Variants in ROBO1 observed in about 807,000 individuals in gnomAD.
ROBO1 encodes the protein roundabout guidance receptor 1, also known as roundabout homolog 1.
In ROBO1, 149 loss-of-function variants were observed where a neutral mutation model predicts 195.9. That is an observed-to-expected ratio of 0.76 (90% CI 0.67 to 0.87). ROBO1 has a LOEUF of 0.87. ROBO1 is among the 40% of genes least tolerant of loss of function. The pLI, the probability that ROBO1 is intolerant of heterozygous loss-of-function variation, is 0.00. For missense variants in ROBO1, 1,933 were observed against 2,068.3 expected (o/e 0.93, Z 1.27); for synonymous variants, 816 against 733.2 (o/e 1.11, Z -1.82).
At chr3:79,026,253 T>C (rs1372161694) in intron 3 of ROBO1, among the ~76,000 whole-genome samples, 1 of 152,074 alleles carries the variant, frequency 6.6e-6, no homozygotes, top group African/African-American at 2.4e-5. Flanking sequence ...GAAAAAATAT[T>C]ATTCGGTCAA....
At chr3:79,386,280 A>G (rs952248530) in intron 2 of ROBO1, among the ~76,000 whole-genome samples, 3 of 152,184 alleles carry the variant, frequency 2.0e-5, no homozygotes, top group African/African-American at 7.2e-5. Flanking sequence ...ATCTATTTAT[A>G]TAAGTAATTT....
intron 2 of ROBO1, among the ~76,000 whole-genome samples, chr3:79,548,320 G>A (rs12714477): frequency 0.24 from 36,327 of 152,160 alleles, 4,913 homozygotes; most frequent in African/African-American, 0.36. Context: ...CAAATGCTAT[G>A]TTGAGTAACT....
intron 1 of ROBO1, among the ~76,000 whole-genome samples, chr3:79,641,286 T>G (rs1015886817): frequency 2.0e-5 from 3 of 152,190 alleles, no homozygotes; most frequent in Non-Finnish European, 4.4e-5. Context: ...AGATATGGCT[T>G]AAATGATATC....
intron 2 of ROBO1, among the ~76,000 whole-genome samples, chr3:79,513,686 TA>T (rs1477728522): frequency 7.3e-6 from 1 of 137,240 alleles, no homozygotes; most frequent in Non-Finnish European, 1.5e-5. Flanking sequence ...GAAAAGTTAA[TA>T]AAAATAACCT....
At chr3:79,693,569 C>A (rs1312968559) in intron 1 of ROBO1, among the ~76,000 whole-genome samples, 1 of 151,578 alleles carries the variant, frequency 6.6e-6, no homozygotes, top group African/African-American at 2.4e-5. Context: ...GTAGGTAGGG[C>A]TACAGTTGTA....
intron 1 of ROBO1, among the ~76,000 whole-genome samples, chr3:79,596,887 GA>G (rs1247320845): frequency 6.6e-6 from 1 of 151,948 alleles, no homozygotes; most frequent in Non-Finnish European, 1.5e-5. Context: ...CCAGATAAAG[GA>G]AACCATGTAG....
chr3:78,639,625 G>A, intron 22 of ROBO1, 119 bp downstream of exon 22: 1 of 956,414 alleles, frequency 1.0e-6, no homozygotes, highest in East Asian at 2.6e-5. Flanking sequence ...ACAATAGTCA[G>A]CATTGGATAA....
chr3:78,903,098 T>C (rs2037683791), intron 4 of ROBO1, among the ~76,000 whole-genome samples: 2 of 152,106 alleles, frequency 1.3e-5, no homozygotes, highest in Admixed American at 6.6e-5. Context: ...AGAAACACAA[T>C]TCTCTTCAAA....
intron 10 of ROBO1, among the ~76,000 whole-genome samples, chr3:78,678,045 G>C (rs1199512222): frequency 1.3e-5 from 2 of 152,120 alleles, no homozygotes; most frequent in Non-Finnish European, 2.9e-5. Context: ...CAACTACATG[G>C]AAACTGAACA....
At chr3:79,696,510 G>A (rs921494699) in intron 1 of ROBO1, among the ~76,000 whole-genome samples, 56 of 150,094 alleles carry the variant, frequency 3.7e-4, no homozygotes, top group African/African-American at 1.3e-3. Flanking sequence ...ATGAGGTATA[G>A]AAGGAAAAAA....
intron 3 of ROBO1, among the ~76,000 whole-genome samples, chr3:78,995,753 G>A (rs1424887755): frequency 3.4e-5 from 5 of 147,156 alleles, no homozygotes; most frequent in Admixed American, 1.4e-4. Context: ...GCAACAGAGC[G>A]AGACTCTGTC....
chr3:78,975,083 T>C (rs1306415253), intron 3 of ROBO1, among the ~76,000 whole-genome samples: 2 of 152,140 alleles, frequency 1.3e-5, no homozygotes, highest in East Asian at 3.9e-4. Context: ...TAAATTAGAA[T>C]TTTTATTAAA....
At chr3:78,646,535 T>C (rs1163506770) in intron 20 of ROBO1, among the ~76,000 whole-genome samples, 1 of 151,372 alleles carries the variant, frequency 6.6e-6, no homozygotes, top group East Asian at 1.9e-4. Context: ...AGCATTCCGA[T>C]GGATTTCCAT....
chr3:78,870,581 T>C (rs769240817), intron 4 of ROBO1, among the ~76,000 whole-genome samples: 5 of 152,166 alleles, frequency 3.3e-5, no homozygotes, highest in African/African-American at 4.8e-5. Context: ...AATAAAAGGC[T>C]TTCCCTTGCA....
chr3:78,838,705 G>A (rs373493070), intron 4 of ROBO1, among the ~76,000 whole-genome samples: 4 of 152,088 alleles, frequency 2.6e-5, no homozygotes, highest in Admixed American at 1.3e-4. Context: ...AAGCACCCCC[G>A]CCCTACCTCC....
intron 3 of ROBO1, among the ~76,000 whole-genome samples, chr3:79,067,921 C>T (rs1476081305): frequency 2.0e-5 from 3 of 151,872 alleles, no homozygotes; most frequent in African/African-American, 7.2e-5. Context: ...TGCTGGCAGG[C>T]CTTGATTCCT....
At chr3:79,631,807 G>C (rs1209094344) in intron 1 of ROBO1, among the ~76,000 whole-genome samples, 1 of 152,000 alleles carries the variant, frequency 6.6e-6, no homozygotes, top group African/African-American at 2.4e-5. Flanking sequence ...CCATTAAAAA[G>C]TGGGCAAAGT....
intron 3 of ROBO1, among the ~76,000 whole-genome samples, chr3:79,021,651 ATTTTTTTTTT>A (rs71127372): frequency 1.3e-5 from 1 of 76,906 alleles, no homozygotes; most frequent in African/African-American, 5.5e-5. Context: ...CCTAGAGATG[ATTTTTTTTTT>A]TTTTTTTTTT....
chr3:79,250,727 T>C (rs2082713000), intron 2 of ROBO1, among the ~76,000 whole-genome samples: 1 of 152,156 alleles, frequency 6.6e-6, no homozygotes, highest in Non-Finnish European at 1.5e-5. Flanking sequence ...ATAATTTTAA[T>C]ATATAAACCC....
Sources: gnomAD v4.1 joint callset for allele counts (sites outside exome capture counted in the v4.1 genomes callset) on GRCh38, gnomAD v4.1.1 for gene constraint, MANE v1.5 for transcripts, NCBI Gene and HGNC (gene_info 2026-07-23, HGNC 2026-07-21) for gene names.